The following ZNF215 variants were observed in gnomAD, a reference collection of about 807,000 sequenced individuals.
ZNF215 encodes the protein BWSCR2-associated zinc finger protein 2.
A neutral mutation model predicts 27.2 loss-of-function variants in ZNF215; 24 were observed. That is an observed-to-expected ratio of 0.88 (90% CI 0.64 to 1.24). ZNF215 has a LOEUF of 1.24. ZNF215 is among the 50% of genes most tolerant of loss of function. The pLI is 0.00. For synonymous variants in ZNF215, 210 were observed against 204.0 expected, an observed-to-expected ratio of 1.03 and a Z score of -0.25; for missense variants, 675 against 605.7, an observed-to-expected ratio of 1.11 and a Z score of -1.20.
At chr11:6,978,418 T>A (rs1046352945) in intron 5 of ZNF215, among the ~76,000 whole-genome samples, 2 of 152,002 alleles carry the variant, frequency 1.3e-5, no homozygotes, top group African/African-American at 4.8e-5. Flanking sequence ...TGGCGACTGA[T>A]TAGAAAAGGG....
chr11:6,956,746 T>C lies in ZNF215; in HGVS notation c.*215T>C. The C allele has an allele frequency of 7.4e-7, 1 of 1,350,876 alleles. No individual in the cohort carries two copies. Among genetic ancestry groups the C allele is most frequent in the Non-Finnish European group, 9.5e-7 (1 of 1,058,096 alleles). The allele number at this position is 1,350,876 out of a possible 1,614,324, so 83.7% of individuals were successfully genotyped here. A position where few individuals can be genotyped will look rare whatever the true frequency, so the allele number is the denominator to read the frequency against. ...TGGTTTTCAGATGAAGCCATAAGGC[T>C]TTGGAGTTAAACCACAGTATCACCA... On this transcript the variant is annotated 3_prime_UTR_variant, in exon 7 of 7. Transcript: ENST00000278319.
chr11:6,969,052 T>C (rs1314008169), intron 5 of ZNF215, among the ~76,000 whole-genome samples: 1 of 152,156 alleles, frequency 6.6e-6, no homozygotes, highest in African/African-American at 2.4e-5. Context: ...TATTATGCCA[T>C]GTGCTGATTC....
downstream of ZNF215, among the ~76,000 whole-genome samples, chr11:6,962,755 T>C (rs746406832): frequency 5.3e-5 from 8 of 152,074 alleles, no homozygotes; most frequent in Non-Finnish European, 1.0e-4. Flanking sequence ...GCAGAAATTC[T>C]GGAAAATGGA....
In ZNF215 at chr11:6,946,815, C is replaced by A. The variant is rs571458996; in HGVS notation, c.712+3174C>A. Among the ~76,000 whole-genome samples the A allele has an allele frequency of 5.9e-5, 9 of 152,194 alleles. No homozygotes were observed. The South Asian group carries it at 1.7e-3, about 28-fold the overall frequency. ...AGGCATAATGTTTCTTTTTACCCTA[C>A]CTGTACATCTCCAGCCCGTGGTGCA... is the stretch of plus-strand genomic sequence containing the variant. On this transcript the variant is annotated intron_variant, in intron 6 of 6. Transcript: ENST00000278319.
At chr11:6,931,032 A>T (rs751319684) in intron 2 of ZNF215, among the ~76,000 whole-genome samples, 11 of 152,336 alleles carry the variant, frequency 7.2e-5, no homozygotes, top group Non-Finnish European at 1.5e-4. Context: ...GGCCAGGTAC[A>T]ATCTCTAGCT....
At chr11:6,990,770 G>A (rs191810213), downstream of ZNF215, among the ~76,000 whole-genome samples, 8 of 151,964 alleles carry the variant, frequency 5.3e-5, no homozygotes, top group Non-Finnish European at 8.8e-5. Context: ...GCACATGTGC[G>A]CACACACACA....
At chr11:6,942,101 C>T (rs185709279) in intron 4 of ZNF215, among the ~76,000 whole-genome samples, 1 of 152,240 alleles carries the variant, frequency 6.6e-6, no homozygotes, top group Admixed American at 6.5e-5. Flanking sequence ...AATAATACAG[C>T]CCAAGTAGTG....
At chr11:6,933,712 G>A (rs930490626) in intron 3 of ZNF215, among the ~76,000 whole-genome samples, 3 of 150,830 alleles carry the variant, frequency 2.0e-5, no homozygotes, top group Admixed American at 6.6e-5. Flanking sequence ...GGAGAATGGC[G>A]TGAACCCAGG....
At chr11:6,987,807 C>G (rs942081044), downstream of ZNF215, among the ~76,000 whole-genome samples, 2 of 152,152 alleles carry the variant, frequency 1.3e-5, no homozygotes, top group Non-Finnish European at 2.9e-5. Context: ...AGTATGTCTT[C>G]TTTCAAATTG....
In ZNF215 at chr11:6,926,651, C is replaced by T. The variant is rs1201609876; in HGVS notation, c.-360C>T. On this transcript the variant is annotated 5_prime_UTR_variant, in exon 1 of 7. Coordinates refer to ENST00000278319, the MANE Select transcript of ZNF215 (RefSeq NM_013250.4). ...CGCCAGCTCCCTTCACTGTCCAAGA[C>T]AGCGATTCCGCGGCTCCTCTGAGAA... 6.6e-6 allele frequency: 1 copy of T among 152,290 alleles called. No homozygotes were observed. Among genetic ancestry groups the T allele is most frequent in the South Asian group, 2.1e-4 (1 of 4,838 alleles). 9.4% of individuals were successfully genotyped at this position (152,290 alleles called of 1,614,324 possible). A position where few individuals can be genotyped will look rare whatever the true frequency, so the allele number is the denominator to read the frequency against.
chr11:6,938,602 T>A (rs1564948753), intron 3 of ZNF215, among the ~76,000 whole-genome samples: 1 of 150,132 alleles, frequency 6.7e-6, no homozygotes, highest in African/African-American at 2.4e-5. Flanking sequence ...TGATACATGT[T>A]AAAAAAAAAA....
At chr11:6,967,416 C>T (rs1185096663) in intron 5 of ZNF215, among the ~76,000 whole-genome samples, 1 of 152,180 alleles carries the variant, frequency 6.6e-6, no homozygotes, top group Non-Finnish European at 1.5e-5. Context: ...ATTTACACTC[C>T]CACCAACAGT....
chr11:6,932,654 G>C lies in ZNF215; in HGVS notation c.382G>C (p.Glu128Gln). Residue 128 changes from glutamate to glutamine, a missense_variant, in exon 3 of 7, where the codon GAA becomes CAA. Coordinates refer to ENST00000278319, the MANE Select transcript of ZNF215 (RefSeq NM_013250.4). ...GGTGACCCTCATAGAAGATGTGATT[G>C]AAATGCTTGAAGATGAAGGTAAGAA... ...DMVTLIEDVI[E>Q]MLEDEDMPCK... 1 of 1,609,246 alleles carries C rather than the reference G, an allele frequency of 6.2e-7. No individual in the cohort carries two copies. The highest frequency in any genetic ancestry group is 1.7e-5 in the Admixed American group (1 of 59,236).
downstream of ZNF215, among the ~76,000 whole-genome samples, chr11:6,990,468 T>C (rs1338822137): frequency 6.6e-5 from 10 of 152,348 alleles, no homozygotes; most frequent in East Asian, 1.9e-3. Flanking sequence ...AAAAATGCTT[T>C]GAAAGAATTC....
At chr11:6,936,244 A>C (rs79118305) in intron 3 of ZNF215, among the ~76,000 whole-genome samples, 228 of 152,200 alleles carry the variant, frequency 1.5e-3, no homozygotes, top group African/African-American at 5.2e-3. Flanking sequence ...AAACTGACAA[A>C]GGTTTAGCTA....
downstream of ZNF215, among the ~76,000 whole-genome samples, chr11:6,985,623 A>T (rs1851042709): frequency 1.3e-5 from 2 of 152,222 alleles, no homozygotes; most frequent in Admixed American, 1.3e-4. Context: ...ATATGATTCT[A>T]TACTTAGAAA....
intron 5 of ZNF215, among the ~76,000 whole-genome samples, chr11:6,963,736 T>C (rs965208585): frequency 2.6e-5 from 4 of 152,116 alleles, no homozygotes; most frequent in African/African-American, 9.7e-5. Flanking sequence ...ACTGTATCAA[T>C]TGGCATTCTG....
At chr11:6,950,299 T>C (rs1279504297) in intron 6 of ZNF215, among the ~76,000 whole-genome samples, 12 of 148,622 alleles carry the variant, frequency 8.1e-5, no homozygotes, top group African/African-American at 1.5e-4. Flanking sequence ...GGGGATGGCA[T>C]TGAATCTATA....
Position 6,956,856 on chromosome 11 carries a change from C to CCACCTGATTTATTGACGAAGTAGA in ZNF215, c.*328_*351dup. ...AAATAGGTCTATAGCATACTAATAT[C>CCACCTGATTTATTGACGAAGTAGA]CACCTGATTTATTGACGAAGTAGAC... On this transcript the variant is annotated 3_prime_UTR_variant, in exon 7 of 7. Transcript: ENST00000278319. 9.7e-7 allele frequency: 1 copy of CCACCTGATTTATTGACGAAGTAGA among 1,028,294 alleles called. No homozygotes were observed. Among genetic ancestry groups the CCACCTGATTTATTGACGAAGTAGA allele is most frequent in the Non-Finnish European group, 1.2e-6 (1 of 857,636 alleles). The allele number at this position is 1,028,294 out of a possible 1,614,324, so 63.7% of individuals were successfully genotyped here. A position where few individuals can be genotyped will look rare whatever the true frequency, so the allele number is the denominator to read the frequency against.
Sources: gnomAD v4.1 joint callset for allele counts (sites outside exome capture counted in the v4.1 genomes callset) on GRCh38, gnomAD v4.1.1 for gene constraint, MANE v1.5 for transcripts, NCBI Gene and HGNC (gene_info 2026-07-23, HGNC 2026-07-21) for gene names.